Variants in SNCAIP observed in about 807,000 individuals in gnomAD.
The protein encoded by SNCAIP is synphilin-1.
In SNCAIP, 43 loss-of-function variants were observed where a neutral mutation model predicts 86.7. The ratio of observed to expected loss-of-function variants is 0.50; its 90% confidence interval spans 0.39 to 0.64. The LOEUF (loss-of-function observed/expected upper bound fraction) is 0.64. Among genes scored for constraint, SNCAIP ranks in the 30% least tolerant of loss-of-function variants. SNCAIP has a pLI of 0.00. For missense variants in SNCAIP, 981 were observed against 1,103.1 expected (o/e 0.89, Z 1.57); for synonymous variants, 417 against 427.2 (o/e 0.98, Z 0.29).
intron 3 of SNCAIP, among the ~76,000 whole-genome samples, chr5:122,406,316 G>T (rs1772971252): frequency 6.6e-6 from 1 of 152,158 alleles, no homozygotes; most frequent in Admixed American, 6.5e-5. Flanking sequence ...TTTGCTCCAG[G>T]AAAGCTAGCA....
chr5:122,458,663 A>G (rs563158054), intron 10 of SNCAIP, among the ~76,000 whole-genome samples: 31 of 152,284 alleles, frequency 2.0e-4, no homozygotes, highest in Middle Eastern at 3.4e-3. Flanking sequence ...CGGATGGACA[A>G]TCTTCCTAAT....
At position 122,423,382 on chromosome 5, in the gene SNCAIP, C is replaced by T. The variant is rs1776776893; in HGVS notation, c.645C>T (p.Ser215=). 1.2e-6 allele frequency: 2 copies of T among 1,613,610 alleles called. No homozygotes were observed. Among genetic ancestry groups the T allele is most frequent in the African/African-American group, 2.7e-5 (2 of 74,962 alleles). The change falls in exon 4 of 11, where the codon AGC becomes AGT. Residue 215 remains serine (S), a synonymous_variant. Transcript: ENST00000261368. ...TTTGTGTTCTTTCTCCCGTGAAAAG[C>T]CCTCACTTGAGAAAAGCATCAGCTG... is the stretch of plus-strand genomic sequence containing the variant. ...APFCVLSPVK[S]PHLRKASAVI...
chr5:122,416,313 G>A lies in SNCAIP; in HGVS notation c.131-6555G>A, dbSNP rs915220305. 3.9e-5 allele frequency among the ~76,000 whole-genome samples: 6 copies of A among 152,228 alleles called. No individual in the cohort carries two copies. In the East Asian group the frequency reaches 5.8e-4, roughly 15 times the overall value. ...AAAGTTTAGAACCCAAATCAATGACGCTTTCCCCACAGTGTTTTAATGCCC... is the reference window on the plus strand; with the variant it reads ...AAAGTTTAGAACCCAAATCAATGACACTTTCCCCACAGTGTTTTAATGCCC... On this transcript the variant is annotated intron_variant, in intron 3 of 10. Transcript: ENST00000261368.
rs1328525786 is a variant in SNCAIP at position 122,378,853 on chromosome 5, T to C, written c.-46-12236T>C. Among the ~76,000 whole-genome samples the C allele has an allele frequency of 1.4e-5, 2 of 145,988 alleles. 1 individual carries two copies. The highest frequency in any genetic ancestry group is 4.1e-4 in the East Asian group (2 of 4,848). ...TTGTCAAAGATCAGATAGTTGTAGA[T>C]AAGTGGCGTTATTTCTGAGGGCTCT... On this transcript the variant is annotated intron_variant, in intron 1 of 10. Transcript: ENST00000261368.
Position 122,422,949 on chromosome 5 carries a change from G to C in SNCAIP, c.212G>C (p.Ser71Thr), listed in dbSNP as rs1291984999. Residue 71 changes from serine to threonine, a missense_variant, in exon 4 of 11, where the codon AGT (serine) becomes ACT (threonine). Transcript: ENST00000261368. ...QKPTGIADVY[S>T]KFRPVKRVSP... Reference sequence around the variant, plus strand: ...CCCACAGGAATCGCTGATGTGTACAGTAAGTTCCGCCCAGTGAAGCGGGTT... The same window carrying C: ...CCCACAGGAATCGCTGATGTGTACACTAAGTTCCGCCCAGTGAAGCGGGTT... The C allele has an allele frequency of 1.2e-6, 2 of 1,614,040 alleles. No homozygotes were observed. Among genetic ancestry groups the C allele is most frequent in the Non-Finnish European group, 1.7e-6 (2 of 1,180,006 alleles).
chr5:122,364,244 A>G (rs2152774452), intron 1 of SNCAIP, among the ~76,000 whole-genome samples: 1 of 152,352 alleles, frequency 6.6e-6, no homozygotes, highest in South Asian at 2.1e-4. Context: ...TTAGCATATA[A>G]TCAAGAAATA....
At chr5:122,332,602 CT>C (rs1415268727) in intron 1 of SNCAIP, among the ~76,000 whole-genome samples, 1 of 152,228 alleles carries the variant, frequency 6.6e-6, no homozygotes, top group Admixed American at 6.5e-5. Flanking sequence ...AGACCTAGAG[CT>C]GTAGCTAAGC....
intron 1 of SNCAIP, among the ~76,000 whole-genome samples, chr5:122,325,896 A>G (rs1753917463): frequency 2.0e-5 from 3 of 152,214 alleles, no homozygotes; most frequent in Non-Finnish European, 4.4e-5. Flanking sequence ...TGGCAGAACT[A>G]AAAAGTGAAG....
chr5:122,326,319 T>C (rs1754013218), intron 1 of SNCAIP, among the ~76,000 whole-genome samples: 1 of 152,182 alleles, frequency 6.6e-6, no homozygotes, highest in Admixed American at 6.5e-5. Context: ...CTCTCATTCA[T>C]AAGCCACATA....
At chr5:122,397,973 C>T (rs984317520) in intron 2 of SNCAIP, among the ~76,000 whole-genome samples, 23 of 152,062 alleles carry the variant, frequency 1.5e-4, no homozygotes, top group Admixed American at 5.9e-4. Flanking sequence ...TGAAAAATGC[C>T]GTCTGGATTT....
intron 2 of SNCAIP, among the ~76,000 whole-genome samples, chr5:122,401,585 T>A (rs1175444423): frequency 6.6e-6 from 1 of 152,242 alleles, no homozygotes; most frequent in African/African-American, 2.4e-5. Flanking sequence ...ATTGCTATAC[T>A]TTTTATTTCT....
chr5:122,390,157 G>A (rs930333030), intron 1 of SNCAIP, among the ~76,000 whole-genome samples: 1 of 152,192 alleles, frequency 6.6e-6, no homozygotes, highest in East Asian at 1.9e-4. Context: ...TCAAATCTGG[G>A]TACTTAAGAT....
intron 1 of SNCAIP, among the ~76,000 whole-genome samples, chr5:122,390,659 A>G (rs1438220244): frequency 6.6e-6 from 1 of 152,120 alleles, no homozygotes; most frequent in East Asian, 1.9e-4. Context: ...TGCTCCATGT[A>G]CAACACCCAA....
At chr5:122,440,402 C>T (rs1780600340) in intron 6 of SNCAIP, 1 of 532,950 alleles carries the variant, frequency 1.9e-6, no homozygotes, top group East Asian at 3.4e-5. Flanking sequence ...AATAAGAGCG[C>T]TTCCAAGGGA....
At chr5:122,404,308 G>T (rs1772499093) in intron 3 of SNCAIP, among the ~76,000 whole-genome samples, 1 of 152,156 alleles carries the variant, frequency 6.6e-6, no homozygotes, top group South Asian at 2.1e-4. Flanking sequence ...CGACATGATA[G>T]AATCTGCAAT....
At chr5:122,399,338 T>C (rs1580995968) in intron 2 of SNCAIP, among the ~76,000 whole-genome samples, 1 of 152,158 alleles carries the variant, frequency 6.6e-6, no homozygotes, top group Non-Finnish European at 1.5e-5. Context: ...GCCCCAGAGA[T>C]ATTAAATGAA....
intron 1 of SNCAIP, among the ~76,000 whole-genome samples, chr5:122,351,755 C>T (rs904619217): frequency 6.6e-6 from 1 of 152,138 alleles, no homozygotes; most frequent in Non-Finnish European, 1.5e-5. Flanking sequence ...TTTGTGCTGA[C>T]CTCATCGGGG....
At chr5:122,448,678 G>A (rs1371282816) in intron 8 of SNCAIP, among the ~76,000 whole-genome samples, 9 of 122,084 alleles carry the variant, frequency 7.4e-5, no homozygotes, top group South Asian at 2.4e-4. Flanking sequence ...TATTATATAT[G>A]TTATATATAT....
intron 6 of SNCAIP, among the ~76,000 whole-genome samples, chr5:122,435,384 A>G (rs1318033345): frequency 6.6e-6 from 1 of 152,188 alleles, no homozygotes; most frequent in Non-Finnish European, 1.5e-5. Flanking sequence ...ATGAAGGTTC[A>G]GATTGTCTCA....
Sources: allele counts gnomAD v4.1 joint callset (sites outside exome capture counted in the v4.1 genomes callset), GRCh38; gene constraint gnomAD v4.1.1; transcripts MANE v1.5; gene names NCBI Gene and HGNC (gene_info 2026-07-23, HGNC 2026-07-21).